Variants in ANO2 observed in about 807,000 individuals in gnomAD.
The protein encoded by ANO2 is anoctamin-2.
A neutral mutation model predicts 124.2 loss-of-function variants in ANO2; 101 were observed. The observed-to-expected ratio is 0.81, with a 90% confidence interval of 0.69 to 0.96. ANO2 has a LOEUF of 0.96. Ranked by LOEUF, ANO2 falls within the 40% of genes least tolerant of loss-of-function variation. ANO2 has a pLI of 0.00. For missense variants in ANO2, 1,293 were observed against 1,274.5 expected, an observed-to-expected ratio of 1.01 and a Z score of -0.22; for synonymous variants, 486 against 482.5, an observed-to-expected ratio of 1.01 and a Z score of -0.09.
At chr12:5,670,677 G>C (rs1171979440) in intron 14 of ANO2, among the ~76,000 whole-genome samples, 13 of 151,940 alleles carry the variant, frequency 8.6e-5, no homozygotes, top group Admixed American at 8.5e-4. Context: ...TGGGACTAGA[G>C]GCTTGTACCA....
chr12:5,666,436 G>T (rs1450130577), intron 14 of ANO2, among the ~76,000 whole-genome samples: 1 of 152,134 alleles, frequency 6.6e-6, no homozygotes. Flanking sequence ...ATTTGGGCAG[G>T]TATCCCAGGA....
At chr12:5,637,494 T>C (rs147360466) in intron 15 of ANO2, among the ~76,000 whole-genome samples, 64 of 152,152 alleles carry the variant, frequency 4.2e-4, no homozygotes, top group Non-Finnish European at 1.8e-4. Flanking sequence ...TCTGTTCTTC[T>C]CTAAGAGGCC....
intron 3 of ANO2, among the ~76,000 whole-genome samples, chr12:5,860,650 T>C (rs916020457): frequency 1.3e-5 from 2 of 152,230 alleles, no homozygotes; most frequent in Admixed American, 1.3e-4. Flanking sequence ...AGTGTCATTC[T>C]TGAATGTGTC....
intron 16 of ANO2, among the ~76,000 whole-genome samples, chr12:5,632,262 A>C (rs1945756046): frequency 6.6e-6 from 1 of 152,022 alleles, no homozygotes; most frequent in Non-Finnish European, 1.5e-5. Context: ...TTCCTGATGG[A>C]GACCCAACAC....
rs543470384 is a variant in ANO2, at chr12:5,889,609, C to T, written c.534+31431G>A. 1.6e-3 allele frequency among the ~76,000 whole-genome samples: 238 copies of T among 152,368 alleles called. 1 individual carries two copies. The highest frequency in any genetic ancestry group is 5.5e-3 in the African/African-American group (228 of 41,590). On this transcript the variant is annotated intron_variant, in intron 3 of 24. Coordinates refer to ENST00000682330, the MANE Select transcript of ANO2 (RefSeq NM_001364791.2). ...CACGTGTCCCATCTCCTTCCCCAGA[C>T]TGCCAGTCTCTTGGAGCCAGGACTG...
chr12:5,612,350 C>T (rs1944583028), intron 19 of ANO2, among the ~76,000 whole-genome samples: 1 of 152,162 alleles, frequency 6.6e-6, no homozygotes, highest in African/African-American at 2.4e-5. Context: ...TTTACTTACT[C>T]ACTGAGAGGA....
chr12:5,903,647 ATGTGTGTG>A (rs143239619), intron 3 of ANO2, among the ~76,000 whole-genome samples: 9 of 148,550 alleles, frequency 6.1e-5, no homozygotes, highest in South Asian at 2.2e-4. Context: ...ATGTGCAAAG[ATGTGTGTG>A]TGTGTGTGTG....
intron 5 of ANO2, 140 bp from the exon 6 acceptor site, chr12:5,830,629 C>T: frequency 1.9e-6 from 1 of 521,244 alleles, no homozygotes. Context: ...ATGTTTATGC[C>T]CTTCTTGACT....
chr12:5,828,229 G>T (rs571519559), intron 6 of ANO2, among the ~76,000 whole-genome samples: 1 of 152,122 alleles, frequency 6.6e-6, no homozygotes, highest in Non-Finnish European at 1.5e-5. Context: ...CAGGGAAGGC[G>T]GGGTTCTGTC....
At chr12:5,671,937 G>A (rs1395109543) in intron 14 of ANO2, among the ~76,000 whole-genome samples, 1 of 152,150 alleles carries the variant, frequency 6.6e-6, no homozygotes, top group Non-Finnish European at 1.5e-5. Context: ...GAGCTTGGAA[G>A]ATATTGCTCA....
At chr12:5,743,908 A>G (rs1210044204) in intron 12 of ANO2, among the ~76,000 whole-genome samples, 3 of 152,236 alleles carry the variant, frequency 2.0e-5, no homozygotes, top group African/African-American at 7.2e-5. Flanking sequence ...TGAATAAATC[A>G]CACATGGGGC....
intron 14 of ANO2, among the ~76,000 whole-genome samples, chr12:5,710,706 C>T (rs1356647178): frequency 6.6e-6 from 1 of 152,102 alleles, no homozygotes; most frequent in Admixed American, 6.5e-5. Flanking sequence ...TGGAGACTGA[C>T]TGGTACATGG....
intron 17 of ANO2, among the ~76,000 whole-genome samples, chr12:5,614,045 G>A (rs1359621001): frequency 6.6e-6 from 1 of 152,180 alleles, no homozygotes; most frequent in African/African-American, 2.4e-5. Flanking sequence ...ATGACAGCTC[G>A]TGCTATTAGT....
chr12:5,836,325 T>A (rs1166562263), intron 4 of ANO2, among the ~76,000 whole-genome samples: 2 of 152,214 alleles, frequency 1.3e-5, no homozygotes, highest in African/African-American at 4.8e-5. Flanking sequence ...TAAAACTTTT[T>A]AAAAATACAG....
intron 16 of ANO2, among the ~76,000 whole-genome samples, chr12:5,619,878 G>A (rs1945023471): frequency 6.6e-6 from 1 of 152,250 alleles, no homozygotes; most frequent in Non-Finnish European, 1.5e-5. Context: ...GGCAGGTCCT[G>A]AGGTACCACT....
chr12:5,667,106 G>A lies in ANO2; in HGVS notation c.1546-19305C>T, dbSNP rs569996869. ...GAAGGAGGACACCCGGAAGCTCTGC[G>A]TTTGCTGCTTTCTGGGACCCCACCC... On this transcript the variant is annotated intron_variant, in intron 14 of 24. Coordinates refer to ENST00000682330, the MANE Select transcript of ANO2 (RefSeq NM_001364791.2). Among the ~76,000 whole-genome samples, 14 of 152,286 alleles carry A rather than the reference G, an allele frequency of 9.2e-5. No individual in the cohort carries two copies. In the South Asian group the frequency reaches 2.5e-3, roughly 27 times the overall value.
intron 10 of ANO2, among the ~76,000 whole-genome samples, chr12:5,797,697 C>T (rs1331622685): frequency 6.6e-6 from 1 of 152,150 alleles, no homozygotes; most frequent in Non-Finnish European, 1.5e-5. Context: ...CACATGCTGC[C>T]CAGCGTCCCA....
intron 3 of ANO2, among the ~76,000 whole-genome samples, chr12:5,899,847 T>A (rs1472298578): frequency 6.6e-6 from 1 of 152,158 alleles, no homozygotes; most frequent in Non-Finnish European, 1.5e-5. Flanking sequence ...TCTACATGGT[T>A]TGGGTGTGTG....
intron 14 of ANO2, among the ~76,000 whole-genome samples, chr12:5,681,461 G>A (rs1349292720): frequency 6.6e-6 from 1 of 152,210 alleles, no homozygotes; most frequent in Non-Finnish European, 1.5e-5. Context: ...CCAAAGCAGA[G>A]TGTCCCAGGA....
Sources: allele counts gnomAD v4.1 joint callset (sites outside exome capture counted in the v4.1 genomes callset), GRCh38; gene constraint gnomAD v4.1.1; transcripts MANE v1.5; gene names NCBI Gene and HGNC (gene_info 2026-07-23, HGNC 2026-07-21).